The following DGKH variants were observed in gnomAD, a reference collection of about 807,000 sequenced individuals.
DGKH encodes the protein DAG kinase eta.
A neutral mutation model predicts 159.3 loss-of-function variants in DGKH; 90 were observed. The ratio of observed to expected loss-of-function variants is 0.57; its 90% CI spans 0.48 to 0.67. The LOEUF is 0.67. Ranked by LOEUF, DGKH falls within the 30% of genes least tolerant of loss-of-function variation. The pLI, the probability that DGKH is intolerant of heterozygous loss-of-function variation, is 0.00. For missense variants in DGKH, 1,181 were observed against 1,506.1 expected, an observed-to-expected ratio of 0.78 and a Z score of 3.57; for synonymous variants, 536 against 553.8, an observed-to-expected ratio of 0.97 and a Z score of 0.45.
At chr13:42,048,257 C>T (rs1275656020), upstream of DGKH, among the ~76,000 whole-genome samples, 1 of 150,454 alleles carries the variant, frequency 6.6e-6, no homozygotes, top group African/African-American at 2.4e-5. This position sits in a 1 kb window ranked among gnomAD's most constrained non-coding sequence, Gnocchi z 6.7. Context: ...GCGGGTGCAC[C>T]CAAGGGTGCT....
intron 3 of DGKH, among the ~76,000 whole-genome samples, chr13:42,143,834 T>C (rs1482732001): frequency 1.3e-5 from 2 of 152,156 alleles, no homozygotes; most frequent in Admixed American, 6.5e-5. Context: ...ATTTTGTTGA[T>C]CTTTTAAAAA....
chr13:42,160,520 T>C (rs187584482), intron 7 of DGKH, among the ~76,000 whole-genome samples: 1 of 152,198 alleles, frequency 6.6e-6, no homozygotes, highest in East Asian at 1.9e-4. Context: ...ACCCTACCAG[T>C]GCTCTCTGAC....
At chr13:42,142,384 T>A (rs1003769478) in intron 3 of DGKH, among the ~76,000 whole-genome samples, 128 of 151,516 alleles carry the variant, frequency 8.4e-4, no homozygotes, top group South Asian at 2.1e-3. Context: ...TGCGGGCTCT[T>A]TTTTGGTTCC....
At chr13:42,155,573 A>C in intron 4 of DGKH, 94 bp from the exon 5 acceptor site, 1 of 1,572,066 alleles carries the variant, frequency 6.4e-7, no homozygotes, top group East Asian at 2.2e-5. Flanking sequence ...GATGGATTTG[A>C]AAATTTGACC....
At chr13:42,066,074 A>G (rs1396571728) in intron 1 of DGKH, 2 of 152,006 alleles carry the variant, frequency 1.3e-5, no homozygotes, top group Non-Finnish European at 2.9e-5. Flanking sequence ...ATTTTCTTGT[A>G]TTTTTATTGG....
intron 26 of DGKH, among the ~76,000 whole-genome samples, chr13:42,218,407 C>G (rs1010132419): frequency 6.6e-6 from 1 of 151,698 alleles, no homozygotes; most frequent in African/African-American, 2.4e-5. Flanking sequence ...TACCCTTAAG[C>G]CTATTCTTTA....
chr13:42,159,230 T>G, intron 5 of DGKH, 36 bp from the exon 6 acceptor site: 1 of 1,135,246 alleles, frequency 8.8e-7, no homozygotes, highest in Non-Finnish European at 1.2e-6. Context: ...CTTGTCCACT[T>G]AAAAGCAGTT....
At chr13:42,227,717 C>T (rs999314443) in intron 29 of DGKH, among the ~76,000 whole-genome samples, 1 of 152,098 alleles carries the variant, frequency 6.6e-6, no homozygotes. Flanking sequence ...TTGAAATTAT[C>T]TCAAGTTTGA....
intron 29 of DGKH, among the ~76,000 whole-genome samples, chr13:42,250,008 T>C (rs879738463): frequency 5.9e-5 from 9 of 151,686 alleles, no homozygotes; most frequent in Non-Finnish European, 1.2e-4. Context: ...TCTTGCTCTG[T>C]TGCCCAGGCT....
intron 14 of DGKH, among the ~76,000 whole-genome samples, chr13:42,188,524 A>G (rs1956982112): frequency 6.6e-6 from 1 of 152,226 alleles, no homozygotes; most frequent in Admixed American, 6.5e-5. Context: ...TGTGCCATTT[A>G]TGACGCTCAA....
intron 7 of DGKH, among the ~76,000 whole-genome samples, chr13:42,160,739 G>A (rs541076390): frequency 6.6e-6 from 1 of 152,330 alleles, no homozygotes; most frequent in African/African-American, 2.4e-5. Flanking sequence ...GCTCTACAAT[G>A]ATAGTGATTG....
chr13:42,192,895 G>A (rs1957117730), intron 16 of DGKH, among the ~76,000 whole-genome samples: 1 of 152,122 alleles, frequency 6.6e-6, no homozygotes, highest in Admixed American at 6.5e-5. Flanking sequence ...TTTCTGTGGT[G>A]TATTAGCACA....
At chr13:42,205,455 T>C (rs1006293618) in intron 20 of DGKH, among the ~76,000 whole-genome samples, 1 of 152,204 alleles carries the variant, frequency 6.6e-6, no homozygotes, top group Non-Finnish European at 1.5e-5. Flanking sequence ...ATCCTTTTTT[T>C]CCATTTACAT....
rs1472228381 is a variant in DGKH at position 42,221,071 on chromosome 13, G to A, written c.3443-193G>A. ...CGGCAGCAAATGGTTTTGTATAGTC[G>A]GATCCTTGTGTTGATAGTGTGTAAC... is the stretch of plus-strand genomic sequence containing the variant. On this transcript the variant is annotated intron_variant, in intron 28 of 29. Transcript: ENST00000337343. 3.0e-5 allele frequency: 19 copies of A among 636,158 alleles called. No individual in the cohort carries two copies. In the Admixed American group the frequency reaches 3.2e-4, roughly 11 times the overall value. 39.4% of individuals were successfully genotyped at this position (636,158 alleles called of 1,614,324 possible).
At chr13:42,256,360 A>G (rs1213482872) in exon 31 of DGKH, 4 of 1,587,028 alleles carry the variant, frequency 2.5e-6, no homozygotes, top group Non-Finnish European at 3.5e-6. Flanking sequence ...ATGAGTCTCA[A>G]ATGTTGGTGA....
intron 5 of DGKH, 144 bp downstream of exon 5, chr13:42,155,943 A>T (rs1488162609): frequency 3.0e-5 from 28 of 947,578 alleles, no homozygotes; most frequent in Non-Finnish European, 1.5e-6. Context: ...AAAAAAACAT[A>T]GTCATTTAAA....
At chr13:42,188,692 T>C (rs1956988206) in intron 14 of DGKH, among the ~76,000 whole-genome samples, 1 of 152,208 alleles carries the variant, frequency 6.6e-6, no homozygotes, top group South Asian at 2.1e-4. Context: ...ATTATAAAGA[T>C]GTTTTTCCCC....
At chr13:42,214,421 G>A (rs1011372473) in intron 24 of DGKH, 86 bp from the exon 25 acceptor site, 9 of 1,303,000 alleles carry the variant, frequency 6.9e-6, no homozygotes, top group African/African-American at 1.5e-5. Flanking sequence ...TTTTTTACTT[G>A]TTTTATCCTA....
chr13:42,134,982 AAAAG>A (rs1217845673), intron 3 of DGKH, among the ~76,000 whole-genome samples: 1 of 152,162 alleles, frequency 6.6e-6, no homozygotes, highest in African/African-American at 2.4e-5. Context: ...GTCTCTAAAA[AAAAG>A]AAAGAAACAG....
Sources: gnomAD v4.1 joint callset for allele counts (sites outside exome capture counted in the v4.1 genomes callset) on GRCh38, gnomAD v4.1.1 for gene constraint, Gnocchi (gnomAD v3.1) non-coding constraint, MANE v1.5 for transcripts, NCBI Gene and HGNC (gene_info 2026-07-23, HGNC 2026-07-21) for gene names.